The following GTF2H1 variants were observed in gnomAD, a reference collection of about 807,000 sequenced individuals.
GTF2H1 encodes general transcription factor IIH subunit 1, also known as BTF2 p62.
Under a neutral mutation model 71.2 loss-of-function variants are expected in GTF2H1, and 16 were observed. The observed-to-expected ratio is 0.22, with a 90% CI of 0.15 to 0.34. GTF2H1 has a LOEUF of 0.34. GTF2H1 is among the 10% of genes least tolerant of loss of function. GTF2H1 has a pLI of 1.00. For missense variants in GTF2H1, 498 were observed against 648.2 expected, an observed-to-expected ratio of 0.77 and a Z score of 2.52; for synonymous variants, 215 against 219.0, an observed-to-expected ratio of 0.98 and a Z score of 0.16.
At chr11:18,338,967 TTACAA>T (rs1185764579) in intron 4 of GTF2H1, among the ~76,000 whole-genome samples, 2 of 152,144 alleles carry the variant, frequency 1.3e-5, no homozygotes, top group African/African-American at 2.4e-5. Context: ...CATATTTTAC[TTACAA>T]TACAAGGTTA....
At chr11:18,360,103 A>G (rs1269288889) in intron 13 of GTF2H1, among the ~76,000 whole-genome samples, 1 of 151,638 alleles carries the variant, frequency 6.6e-6, no homozygotes, top group African/African-American at 2.4e-5. Flanking sequence ...ATGAGTGACT[A>G]TTTAAATGAG....
intron 12 of GTF2H1, 75 bp from the exon 13 acceptor site, chr11:18,358,450 C>CT (rs1865614700): frequency 2.5e-6 from 2 of 789,098 alleles, no homozygotes; most frequent in East Asian, 5.1e-5. Context: ...AATTTATTCT[C>CT]TGAGTGGTCA....
intron 1 of GTF2H1, among the ~76,000 whole-genome samples, chr11:18,328,139 G>T (rs1864808035): frequency 6.6e-6 from 1 of 151,060 alleles, no homozygotes; most frequent in Admixed American, 6.6e-5. Context: ...GGAGGCGGAG[G>T]TTGCAGTAAG....
chr11:18,331,831 A>G (rs1368962651), intron 1 of GTF2H1, among the ~76,000 whole-genome samples: 1 of 152,150 alleles, frequency 6.6e-6, no homozygotes, highest in Non-Finnish European at 1.5e-5. Context: ...ATTTTGGAGA[A>G]CTAATGGCAG....
At chr11:18,351,285 ATTT>A (rs56307193) in intron 9 of GTF2H1, among the ~76,000 whole-genome samples, 1 of 140,446 alleles carries the variant, frequency 7.1e-6, no homozygotes, top group African/African-American at 2.6e-5. Flanking sequence ...AAGAGGCGGA[ATTT>A]TTTTTTTTTT....
intron 2 of GTF2H1, among the ~76,000 whole-genome samples, chr11:18,335,416 G>C (rs1486945527): frequency 6.6e-6 from 1 of 152,198 alleles, no homozygotes; most frequent in Non-Finnish European, 1.5e-5. Flanking sequence ...ATTTGGGGCA[G>C]TTTGTTTAAA....
intron 1 of GTF2H1, among the ~76,000 whole-genome samples, chr11:18,327,734 G>A (rs1210517409): frequency 1.3e-5 from 2 of 152,168 alleles, no homozygotes; most frequent in African/African-American, 4.8e-5. Flanking sequence ...GACTACAGAT[G>A]TGTACCACCA....
intron 2 of GTF2H1, among the ~76,000 whole-genome samples, chr11:18,335,000 G>A (rs1864990942): frequency 6.6e-6 from 1 of 151,918 alleles, no homozygotes; most frequent in Non-Finnish European, 1.5e-5. Context: ...CTAGGTTCCT[G>A]TAGTTGTCAT....
chr11:18,352,302 A>G lies in GTF2H1; in HGVS notation c.1143-27A>G, dbSNP rs374826883. 5.2e-6 allele frequency: 5 copies of G among 955,198 alleles called. No individual in the cohort carries two copies. The African/African-American group carries it at 6.5e-5, about 12-fold the overall frequency. 59.2% of individuals were successfully genotyped at this position (955,198 alleles called of 1,614,324 possible). On this transcript the variant is annotated intron_variant, in intron 10 of 14. Transcript: ENST00000265963. ...TTGAGCATCTTTACTGTGTGTGATT[A>G]GTAATTTCTTCTGTGCTAACCTGCA... is the stretch of plus-strand genomic sequence containing the variant.
In GTF2H1 at chr11:18,335,788, T is replaced by A. The variant is rs1434072668; in HGVS notation, c.189T>A (p.Ile63=). The change falls in exon 3 of 15, where the codon ATT becomes ATA. Residue 63 remains isoleucine (I), a synonymous_variant. Transcript: ENST00000265963. ...QKISPEGKAK[I]QLQLVLHAGD... The stretch of plus-strand genomic sequence containing the variant: ...TTAGTCCAGAAGGAAAAGCTAAAAT[T>A]CAGCTTCAGCTGGTCCTACATGCAG... 1.2e-6 allele frequency: 2 copies of A among 1,613,720 alleles called. No individual in the cohort carries two copies. The highest frequency in any genetic ancestry group is 4.5e-5 in the East Asian group (2 of 44,872).
At chr11:18,330,747 A>G (rs898398293) in intron 1 of GTF2H1, among the ~76,000 whole-genome samples, 1 of 152,192 alleles carries the variant, frequency 6.6e-6, no homozygotes, top group Non-Finnish European at 1.5e-5. Context: ...ACACATATAC[A>G]CACTTGCTCA....
Position 18,341,288 on chromosome 11 carries a change from C to T in GTF2H1, c.635C>T (p.Pro212Leu), listed in dbSNP as rs1478232318. The T allele has an allele frequency of 2.5e-6, 4 of 1,611,630 alleles. No individual in the cohort carries two copies. The highest frequency in any genetic ancestry group is 2.5e-6 in the Non-Finnish European group (3 of 1,179,154). The part of the protein sequence containing the change: ...AVKMKYAENV[P>L]HNMTEKEFWT... ...AAAATGAAATATGCAGAAAATGTTC[C>T]CCACAACATGACAGAGAAGGAATTC... Residue 212 changes from proline (P) to leucine (L), a missense_variant, in exon 6 of 15, where the codon CCC becomes CTC. Physicochemically the swap from Pro to Leu is moderately conservative, Grantham distance 98. Coordinates refer to ENST00000265963, the MANE Select transcript of GTF2H1 (RefSeq NM_005316.4).
At chr11:18,331,727 A>C (rs1343485262) in intron 1 of GTF2H1, among the ~76,000 whole-genome samples, 2 of 151,258 alleles carry the variant, frequency 1.3e-5, no homozygotes, top group Admixed American at 1.3e-4. Context: ...TAACTTTATT[A>C]CAAGAATTTC....
At chr11:18,360,549 T>A in intron 13 of GTF2H1, 66 bp from the exon 14 acceptor site, 4 of 732,692 alleles carry the variant, frequency 5.5e-6, no homozygotes, top group Non-Finnish European at 9.1e-6. Flanking sequence ...ATGTAGAAGA[T>A]TGTTTTTCTG....
chr11:18,332,180 T>C (rs1864916321), intron 1 of GTF2H1, among the ~76,000 whole-genome samples: 1 of 152,240 alleles, frequency 6.6e-6, no homozygotes, highest in Non-Finnish European at 1.5e-5. Flanking sequence ...GCTTCACTTA[T>C]TTGCCCAGGG....
At chr11:18,332,932 C>T (rs74748077) in intron 1 of GTF2H1, 128 bp from the exon 2 acceptor site, 239 of 562,926 alleles carry the variant, frequency 4.2e-4, no homozygotes, top group Middle Eastern at 1.9e-3. Context: ...AGAAAAGAGA[C>T]TTTCTTCTTC....
intron 14 of GTF2H1, 86 bp downstream of exon 14, chr11:18,360,793 A>T: frequency 1.4e-6 from 1 of 705,072 alleles, no homozygotes; most frequent in Non-Finnish European, 2.4e-6. Context: ...GTAAATGAGT[A>T]GATACTTAAT....
At chr11:18,330,125 T>C (rs1177150044) in intron 1 of GTF2H1, among the ~76,000 whole-genome samples, 14 of 152,242 alleles carry the variant, frequency 9.2e-5, no homozygotes, top group Non-Finnish European at 4.4e-5. Flanking sequence ...CCTATGTATT[T>C]GTTGGTTTGT....
intron 2 of GTF2H1, 98 bp downstream of exon 2, chr11:18,333,326 C>T: frequency 1.1e-6 from 1 of 904,570 alleles, no homozygotes; most frequent in Admixed American, 2.9e-5. Context: ...ATCAAAAAAT[C>T]AACTATGTAG....
Sources: allele counts gnomAD v4.1 joint callset (sites outside exome capture counted in the v4.1 genomes callset), GRCh38; gene constraint gnomAD v4.1.1; transcripts MANE v1.5; gene names NCBI Gene and HGNC (gene_info 2026-07-23, HGNC 2026-07-21).